TDP1: variants seen among roughly 807,000 people sequenced by gnomAD.
TDP1 encodes tyr-DNA phosphodiesterase 1.
A neutral mutation model predicts 81.5 loss-of-function variants in TDP1; 64 were observed. The ratio of observed to expected loss-of-function variants is 0.79; its 90% CI spans 0.64 to 0.97. The LOEUF is 0.97. TDP1 is among the 50% of genes least tolerant of loss of function. The probability of loss-of-function intolerance (pLI) is 0.00; values close to 1 mark genes in which losing one functional copy is unlikely to be tolerated. For synonymous variants in TDP1, 256 were observed against 264.3 expected (o/e 0.97, Z 0.30); for missense variants, 723 against 743.8 (o/e 0.97, Z 0.33).
At chr14:90,003,876 C>T (rs1339452195) in intron 14 of TDP1, among the ~76,000 whole-genome samples, 2 of 152,152 alleles carry the variant, frequency 1.3e-5, no homozygotes, top group African/African-American at 4.8e-5. Flanking sequence ...AGTACTCCTT[C>T]TCTAATGTCT....
chr14:89,955,421 G>A (rs751899958), upstream of TDP1: 1 of 152,232 alleles, frequency 6.6e-6, no homozygotes, highest in Non-Finnish European at 1.5e-5. Flanking sequence ...GGAACGTGGG[G>A]CGAGTTCCTT....
intron 10 of TDP1, among the ~76,000 whole-genome samples, chr14:89,986,282 C>T (rs993692663): frequency 1.2e-4 from 18 of 152,230 alleles, no homozygotes; most frequent in African/African-American, 4.3e-4. Flanking sequence ...TCAAACCCTG[C>T]TTTGTTATCT....
chr14:89,985,326 A>G, intron 10 of TDP1, 116 bp downstream of exon 10: 1 of 657,138 alleles, frequency 1.5e-6, no homozygotes. Context: ...TTCTGGGCAA[A>G]TAGATACTTG....
chr14:90,012,810 A>G lies in TDP1; in HGVS notation c.1542-6506A>G, dbSNP rs143027979. On this transcript the variant is annotated intron_variant, in intron 14 of 16. Coordinates refer to ENST00000335725, the MANE Select transcript of TDP1 (RefSeq NM_018319.4). ...GGCCTGGAAAAGCTGCAGACACTCA[A>G]TGCCGGCCCCTGAAAGCAGCCAAGA... 2.1e-3 allele frequency among the ~76,000 whole-genome samples: 320 copies of G among 152,234 alleles called. 2 individuals are homozygous for G. Among genetic ancestry groups the G allele is most frequent in the African/African-American group, 7.3e-3 (303 of 41,578 alleles).
chr14:90,036,742 TCTC>T (rs1412313231), intron 16 of TDP1, among the ~76,000 whole-genome samples: 1 of 151,734 alleles, frequency 6.6e-6, no homozygotes, highest in Non-Finnish European at 1.5e-5. Flanking sequence ...ACATTCCTCT[TCTC>T]CTGAAAAATC....
chr14:90,020,271 A>G (rs1269649660), intron 15 of TDP1, among the ~76,000 whole-genome samples: 11 of 150,410 alleles, frequency 7.3e-5, no homozygotes, highest in Admixed American at 5.3e-4. Flanking sequence ...TCACCTCCTT[A>G]TACTCACTGT....
intron 3 of TDP1, among the ~76,000 whole-genome samples, chr14:89,964,046 G>A (rs1892650337): frequency 6.6e-6 from 1 of 152,128 alleles, no homozygotes; most frequent in African/African-American, 2.4e-5. Context: ...CCTGCAACTT[G>A]TTAAAATGCA....
rs1892552097 is a variant in TDP1, at chr14:89,963,317, C to T, written c.203C>T (p.Thr68Ile). 6.2e-7 allele frequency: 1 copy of T among 1,614,070 alleles called. No homozygotes were observed. Residue 68 changes from threonine (T) to isoleucine (I), a missense_variant, in exon 3 of 17, where the codon ACA (threonine) becomes ATA (isoleucine). Coordinates refer to ENST00000335725, the MANE Select transcript of TDP1 (RefSeq NM_018319.4). ...RKISPVKFSNTDSVLPPKRQK... is the reference protein window; with the variant it reads ...RKISPVKFSNIDSVLPPKRQK... Reference sequence around the variant, plus strand: ...ATATCACCTGTGAAATTCAGCAATACAGATTCAGTTTTACCTCCCAAAAGG... The same window carrying T: ...ATATCACCTGTGAAATTCAGCAATATAGATTCAGTTTTACCTCCCAAAAGG...
intron 14 of TDP1, among the ~76,000 whole-genome samples, chr14:90,014,196 T>C (rs1440562276): frequency 6.6e-6 from 1 of 152,234 alleles, no homozygotes; most frequent in East Asian, 1.9e-4. Context: ...ATAGGATAGA[T>C]GCTTGAGACA....
At position 90,043,103 on chromosome 14, in the gene TDP1, A is replaced by G; in HGVS notation, c.1787A>G (p.Lys596Arg). The change falls in exon 17 of 17, where the codon AAA (lysine) becomes AGA (arginine). Residue 596 changes from lysine (K) to arginine (R), a missense_variant. Coordinates refer to ENST00000335725, the MANE Select transcript of TDP1 (RefSeq NM_018319.4). ...RPWIWNIPYV[K>R]APDTHGNMWV... Reference sequence around the variant, plus strand: ...TGGATATGGAACATTCCTTATGTCAAAGCACCGGATACGCATGGGAACATG... The same window carrying G: ...TGGATATGGAACATTCCTTATGTCAGAGCACCGGATACGCATGGGAACATG... 1 of 1,614,218 alleles carries G rather than the reference A, an allele frequency of 6.2e-7. No homozygotes were observed. The highest frequency in any genetic ancestry group is 8.5e-7 in the Non-Finnish European group (1 of 1,180,042).
Position 90,003,030 on chromosome 14 carries a change from C to T in TDP1, c.1541+9547C>T, listed in dbSNP as rs778644753. 3.0e-4 allele frequency among the ~76,000 whole-genome samples: 45 copies of T among 152,064 alleles called. 1 individual carries two copies. The highest frequency in any genetic ancestry group is 3.4e-3 in the Middle Eastern group (1 of 294). ...TCGGCTCACTGCAACCTCCGCCTCC[C>T]GGGTTCAAGCGATTCTTCTGCCTCA... On this transcript the variant is annotated intron_variant, in intron 14 of 16. Transcript: ENST00000335725.
chr14:90,012,848 C>T (rs996538904), intron 14 of TDP1, among the ~76,000 whole-genome samples: 10 of 152,180 alleles, frequency 6.6e-5, no homozygotes, highest in African/African-American at 2.2e-4. Flanking sequence ...GGGGGCTATG[C>T]CCTGCAAAGC....
chr14:89,963,098 T>C lies in TDP1; in HGVS notation c.-7-10T>C. 3.7e-6 allele frequency: 6 copies of C among 1,614,062 alleles called. No homozygotes were observed. The highest frequency in any genetic ancestry group is 4.2e-6 in the Non-Finnish European group (5 of 1,179,988). On this transcript the variant is annotated splice_polypyrimidine_tract_variant and intron_variant, in intron 2 of 16. Coordinates refer to ENST00000335725, the MANE Select transcript of TDP1 (RefSeq NM_018319.4). The stretch of plus-strand genomic sequence containing the variant: ...TGGGAAATGCTGATGTTTCCACTTT[T>C]CATTTCCAGGAGTATAATGTCTCAG...
Position 89,984,532 on chromosome 14 carries a change from T to G in TDP1, c.901T>G (p.Leu301Val), listed in dbSNP as rs1176077743. ...TAATTCCAGAATATGGTTGAGCCCCTTATACCCACGAATTGCTGATGGAAC... is the reference window on the plus strand; with the variant it reads ...TAATTCCAGAATATGGTTGAGCCCCGTATACCCACGAATTGCTGATGGAAC... ...QKTQGIWLSP[L>V]YPRIADGTHK... The change falls in exon 9 of 17, where the codon TTA (leucine) becomes GTA (valine). Residue 301 changes from leucine (L) to valine (V), a missense_variant. Physicochemically the swap from Leu to Val is conservative, Grantham distance 32 (BLOSUM62 1). Transcript: ENST00000335725. The G allele has an allele frequency of 6.2e-7, 1 of 1,614,032 alleles. No individual in the cohort carries two copies. Among genetic ancestry groups the G allele is most frequent in the African/African-American group, 1.3e-5 (1 of 74,928 alleles).
chr14:90,014,800 C>G (rs977549331), intron 14 of TDP1, among the ~76,000 whole-genome samples: 2 of 152,184 alleles, frequency 1.3e-5, no homozygotes, highest in African/African-American at 4.8e-5. Context: ...AATTGGTGTT[C>G]AAGCAGGGAT....
intron 14 of TDP1, 87 bp downstream of exon 14, chr14:89,993,570 G>C: frequency 6.5e-7 from 1 of 1,547,130 alleles, no homozygotes; most frequent in Non-Finnish European, 8.7e-7. Context: ...TTTCTAAAAA[G>C]TGATTAGTGA....
chr14:90,005,466 A>G (rs1263964950), intron 14 of TDP1, among the ~76,000 whole-genome samples: 3 of 152,234 alleles, frequency 2.0e-5, no homozygotes, highest in Non-Finnish European at 2.9e-5. Flanking sequence ...TCTAACAACC[A>G]TATCATAGTT....
chr14:89,974,621 C>T lies in TDP1; in HGVS notation c.757-1160C>T, dbSNP rs1329989406. 3.9e-5 allele frequency among the ~76,000 whole-genome samples: 6 copies of T among 152,266 alleles called. No homozygotes were observed. The South Asian group carries it at 6.2e-4, about 16-fold the overall frequency. On this transcript the variant is annotated intron_variant, in intron 6 of 16. Coordinates refer to ENST00000335725, the MANE Select transcript of TDP1 (RefSeq NM_018319.4). ...GGAGAGGTTGCAGTAGTGATTGCCA[C>T]GATTATAGAGTGCCTATTGCATGCA...
intron 14 of TDP1, among the ~76,000 whole-genome samples, chr14:89,997,609 C>T (rs1173171277): frequency 2.6e-5 from 4 of 152,140 alleles, no homozygotes; most frequent in African/African-American, 7.2e-5. Flanking sequence ...TAATCCTTTG[C>T]GACTTCCAGA....
Sources: allele counts gnomAD v4.1 joint callset (sites outside exome capture counted in the v4.1 genomes callset), GRCh38; gene constraint gnomAD v4.1.1; transcripts MANE v1.5; gene names NCBI Gene and HGNC (gene_info 2026-07-23, HGNC 2026-07-21).